The following FGF1 variants were observed in gnomAD, a reference collection of about 807,000 sequenced individuals.
FGF1 encodes the protein fibroblast growth factor 1.
A neutral mutation model predicts 13.4 loss-of-function variants in FGF1; 9 were observed. That is an observed-to-expected ratio of 0.67 (90% CI 0.40 to 1.17). FGF1 has a LOEUF of 1.17. Among genes scored for constraint, FGF1 ranks in the 50% most tolerant of loss-of-function variants. The pLI, the probability that FGF1 is intolerant of heterozygous loss-of-function variation, is 0.01. For missense variants in FGF1, 156 were observed against 192.7 expected, an observed-to-expected ratio of 0.81 and a Z score of 1.13; for synonymous variants, 93 against 79.0, an observed-to-expected ratio of 1.18 and a Z score of -0.94.
chr5:142,611,656 G>A (rs960542520), intron 2 of FGF1, among the ~76,000 whole-genome samples: 9 of 152,130 alleles, frequency 5.9e-5, no homozygotes, highest in South Asian at 2.1e-4. Context: ...ACAGGTACAC[G>A]GATGGGCTTC....
At chr5:142,675,921 T>C (rs1004151785) in intron 1 of FGF1, among the ~76,000 whole-genome samples, 11 of 152,198 alleles carry the variant, frequency 7.2e-5, no homozygotes, top group African/African-American at 2.7e-4. Flanking sequence ...AAAGCCTTTT[T>C]GTGCATTGAG....
chr5:142,649,114 T>C (rs1766733908), intron 1 of FGF1, among the ~76,000 whole-genome samples: 1 of 152,230 alleles, frequency 6.6e-6, no homozygotes, highest in Admixed American at 6.5e-5. Context: ...CCTCAGATCT[T>C]TATTTATATA....
Position 142,595,267 on chromosome 5 carries a change from G to A in FGF1, c.*23C>T, listed in dbSNP as rs1230166988. 6.2e-7 allele frequency: 1 copy of A among 1,605,912 alleles called. No individual in the cohort carries two copies. The highest frequency in any genetic ancestry group is 8.5e-7 in the Non-Finnish European group (1 of 1,175,754). ...GACCCCTCGAAACTTCTCTGGAGTG[G>A]TCAACACCCAGAACAGATCTCTTTA... is the stretch of plus-strand genomic sequence containing the variant. On this transcript the variant is annotated 3_prime_UTR_variant, in exon 4 of 4. Transcript: ENST00000337706.
At chr5:142,668,610 A>C (rs1597398309) in intron 1 of FGF1, among the ~76,000 whole-genome samples, 2 of 152,368 alleles carry the variant, frequency 1.3e-5, no homozygotes, top group East Asian at 3.9e-4. Context: ...AAGTCAATTC[A>C]TCTCTCTGAG....
Position 142,594,094 on chromosome 5 carries a change from G to C in FGF1, c.*1196C>G, listed in dbSNP as rs1257705625. The C allele has an allele frequency of 6.6e-6, 1 of 152,328 alleles. No individual in the cohort carries two copies. Among genetic ancestry groups the C allele is most frequent in the African/African-American group, 2.4e-5 (1 of 41,418 alleles). The allele number at this position is 152,328 out of a possible 1,614,324, so 9.4% of individuals were successfully genotyped here. On this transcript the variant is annotated 3_prime_UTR_variant, in exon 4 of 4. Coordinates refer to ENST00000337706, the MANE Select transcript of FGF1 (RefSeq NM_000800.5). ...ATTGTCAGTGCTGCCTGAATGCTCA[G>C]GTAGACTCATGAGGTGTGCATTTTT...
rs1766584720 is a variant in FGF1, at chr5:142,648,425, C to T, written c.-34-34264G>A. The stretch of plus-strand genomic sequence containing the variant: ...CACAAGAACAGAAAACCAAACACTG[C>T]ATGTTCTCACTCATAAGTGGGAGTT... On this transcript the variant is annotated intron_variant, in intron 1 of 3. Transcript: ENST00000337706. 2.0e-5 allele frequency among the ~76,000 whole-genome samples: 3 copies of T among 150,830 alleles called. No homozygotes were observed. The South Asian group carries it at 6.3e-4, about 32-fold the overall frequency.
At chr5:142,639,139 T>C (rs1461774514) in intron 1 of FGF1, among the ~76,000 whole-genome samples, 1 of 151,978 alleles carries the variant, frequency 6.6e-6, no homozygotes, top group African/African-American at 2.4e-5. Context: ...AAAATAGCAC[T>C]ACCACATGAT....
intron 2 of FGF1, among the ~76,000 whole-genome samples, chr5:142,607,101 G>A (rs777105076): frequency 3.3e-5 from 5 of 152,048 alleles, no homozygotes; most frequent in South Asian, 2.1e-4. Flanking sequence ...TTTGTTCCTC[G>A]TGACCCCTGA....
At chr5:142,662,675 C>T (rs553769636) in intron 1 of FGF1, among the ~76,000 whole-genome samples, 2 of 152,276 alleles carry the variant, frequency 1.3e-5, no homozygotes, top group East Asian at 1.9e-4. Flanking sequence ...TCTGCAGCCT[C>T]CTCTGTGTAT....
At chr5:142,607,922 A>C (rs1313297883) in intron 2 of FGF1, among the ~76,000 whole-genome samples, 2 of 152,198 alleles carry the variant, frequency 1.3e-5, no homozygotes, top group South Asian at 4.1e-4. Flanking sequence ...TGTCTGAGGA[A>C]CTAAGTTTGT....
Position 142,664,914 on chromosome 5 carries a change from A to G in FGF1, c.-35+21043T>C, listed in dbSNP as rs115581786. Among the ~76,000 whole-genome samples the G allele has an allele frequency of 7.8e-3, 1,187 of 152,346 alleles. 8 individuals are homozygous for G. Among genetic ancestry groups the G allele is most frequent in the Non-Finnish European group, 0.014 (919 of 68,030 alleles). On this transcript the variant is annotated intron_variant, in intron 1 of 3. Coordinates refer to ENST00000337706, the MANE Select transcript of FGF1 (RefSeq NM_000800.5). ...CAGTATTACCTAAACTCATAGGGTT[A>G]TTTTGAGGATAAAATGAGGTAAAGT...
upstream of FGF1, among the ~76,000 whole-genome samples, chr5:142,689,866 T>A (rs1019548247): frequency 3.3e-5 from 5 of 150,272 alleles, no homozygotes; most frequent in Admixed American, 3.3e-4. Flanking sequence ...GCCTGGCCAG[T>A]TTTTTGTATT....
At position 142,606,218 on chromosome 5, in the gene FGF1, C is replaced by CTG. The variant is rs61445131; in HGVS notation, c.170-5415_170-5414dup. Among the ~76,000 whole-genome samples the CTG allele has an allele frequency of 2.0e-3, 290 of 143,050 alleles. 1 individual carries two copies. Among genetic ancestry groups the CTG allele is most frequent in the East Asian group, 3.4e-3 (17 of 5,000 alleles). The allele number at this position is 143,050 out of a possible 152,430, so 93.8% of individuals were successfully genotyped here. The stretch of plus-strand genomic sequence containing the variant: ...AAAATCTGCAACATTCTTTCTCTCT[C>CTG]TGTGTGTGTGTGTGTGTGTGTGTGT... On this transcript the variant is annotated intron_variant, in intron 2 of 3. Coordinates refer to ENST00000337706, the MANE Select transcript of FGF1 (RefSeq NM_000800.5).
At chr5:142,692,267 G>A (rs1752344485) in intron 2 of FGF1, among the ~76,000 whole-genome samples, 1 of 152,188 alleles carries the variant, frequency 6.6e-6, no homozygotes, top group African/African-American at 2.4e-5. Flanking sequence ...AGCCCAGAAG[G>A]CGCAGGTTGC....
chr5:142,603,281 C>G (rs752110883), intron 2 of FGF1, among the ~76,000 whole-genome samples: 34 of 152,176 alleles, frequency 2.2e-4, no homozygotes, highest in Non-Finnish European at 4.3e-4. Flanking sequence ...CAGATATTCA[C>G]AAGGTCCTTC....
chr5:142,646,524 T>C (rs990674279), intron 1 of FGF1, among the ~76,000 whole-genome samples: 2 of 152,086 alleles, frequency 1.3e-5, no homozygotes, highest in Admixed American at 6.6e-5. Context: ...GGCTACTTTT[T>C]GTGTTTTTAG....
chr5:142,622,080 C>G (rs1761735657), intron 1 of FGF1, among the ~76,000 whole-genome samples: 2 of 152,228 alleles, frequency 1.3e-5, no homozygotes, highest in African/African-American at 2.4e-5. Context: ...GGACTGTCAG[C>G]TCCATGATAG....
At chr5:142,604,699 C>T (rs1054402999) in intron 2 of FGF1, among the ~76,000 whole-genome samples, 2 of 152,140 alleles carry the variant, frequency 1.3e-5, no homozygotes, top group African/African-American at 4.8e-5. Flanking sequence ...TTGCTCTGTC[C>T]TTTGGTGAAG....
chr5:142,596,593 T>A (rs543539058), intron 3 of FGF1, among the ~76,000 whole-genome samples: 546 of 151,626 alleles, frequency 3.6e-3, no homozygotes, highest in African/African-American at 0.012. Flanking sequence ...TTTTTTTTTT[T>A]AATTAGCTAG....
Sources: allele counts gnomAD v4.1 joint callset (sites outside exome capture counted in the v4.1 genomes callset), GRCh38; gene constraint gnomAD v4.1.1; transcripts MANE v1.5; gene names NCBI Gene and HGNC (gene_info 2026-07-23, HGNC 2026-07-21).